PARN: variants seen among roughly 807,000 people sequenced by gnomAD.
PARN encodes poly(A)-specific ribonuclease PARN.
In PARN, 71 loss-of-function variants were observed where a neutral mutation model predicts 102.8. The observed-to-expected ratio is 0.69, with a 90% confidence interval of 0.57 to 0.84. The LOEUF (loss-of-function observed/expected upper bound fraction) is 0.84. PARN is among the 40% of genes least tolerant of loss of function. PARN has a pLI of 0.00. For synonymous variants in PARN, 261 were observed against 252.9 expected (o/e 1.03, Z -0.30); for missense variants, 782 against 760.9 (o/e 1.03, Z -0.33).
chr16:14,524,023 C>T (rs752657487), intron 21 of PARN, among the ~76,000 whole-genome samples: 10 of 152,028 alleles, frequency 6.6e-5, no homozygotes, highest in Non-Finnish European at 1.0e-4. Flanking sequence ...TTTACCTAAA[C>T]ACAGAAAAGG....
At chr16:14,549,431 A>C (rs1567373280) in intron 21 of PARN, among the ~76,000 whole-genome samples, 1 of 152,158 alleles carries the variant, frequency 6.6e-6, no homozygotes, top group Non-Finnish European at 1.5e-5. Flanking sequence ...TCAGGAAACC[A>C]ATGCAATGAG....
intron 18 of PARN, 58 bp downstream of exon 18, chr16:14,580,816 G>A: frequency 1.0e-6 from 1 of 972,342 alleles, no homozygotes; most frequent in Non-Finnish European, 1.6e-6. Flanking sequence ...GACATCCCAA[G>A]ATATGAGGCT....
chr16:14,458,300 C>A (rs577082632), intron 22 of PARN, among the ~76,000 whole-genome samples: 3 of 152,038 alleles, frequency 2.0e-5, no homozygotes, highest in Admixed American at 1.3e-4. Context: ...TAAAATTTAC[C>A]TTTTGACTTC....
intron 21 of PARN, among the ~76,000 whole-genome samples, chr16:14,511,371 G>C (rs1357695283): frequency 6.6e-6 from 1 of 152,032 alleles, no homozygotes; most frequent in Admixed American, 6.6e-5. Flanking sequence ...GACAGGGAAA[G>C]AGCGTCTAGA....
At chr16:14,580,751 G>T in intron 18 of PARN, 123 bp downstream of exon 18, 2 of 559,184 alleles carry the variant, frequency 3.6e-6, no homozygotes, top group South Asian at 3.2e-5. Flanking sequence ...TGAGTCACTC[G>T]AGATGAAAAA....
chr16:14,539,844 A>G (rs1966773610), intron 21 of PARN, among the ~76,000 whole-genome samples: 1 of 152,174 alleles, frequency 6.6e-6, no homozygotes, highest in African/African-American at 2.4e-5. Flanking sequence ...GATGGAAAAT[A>G]TTTGGGGGAA....
intron 21 of PARN, among the ~76,000 whole-genome samples, chr16:14,529,657 G>C (rs1024105933): frequency 1.3e-5 from 2 of 152,140 alleles, no homozygotes; most frequent in Non-Finnish European, 2.9e-5. Context: ...TTGATGGCCA[G>C]CAATAAAGTA....
chr16:14,585,358 TTC>T (rs1969781032), intron 14 of PARN, among the ~76,000 whole-genome samples: 2 of 142,210 alleles, frequency 1.4e-5, no homozygotes, highest in Non-Finnish European at 3.0e-5. Flanking sequence ...AAAACTCTAT[TTC>T]TCTGTTTTTT....
intron 18 of PARN, among the ~76,000 whole-genome samples, chr16:14,569,372 T>G (rs529626674): frequency 1.3e-5 from 2 of 152,254 alleles, no homozygotes; most frequent in Non-Finnish European, 2.9e-5. Flanking sequence ...CAAACAGCCT[T>G]ATCAGCGCTG....
At chr16:14,596,915 T>C (rs1970552708) in intron 12 of PARN, among the ~76,000 whole-genome samples, 1 of 151,952 alleles carries the variant, frequency 6.6e-6, no homozygotes, top group Non-Finnish European at 1.5e-5. Context: ...GCCTCCCAAG[T>C]AGCTGGGATT....
intron 22 of PARN, among the ~76,000 whole-genome samples, chr16:14,462,891 G>A (rs567437147): frequency 2.6e-5 from 4 of 152,294 alleles, no homozygotes; most frequent in African/African-American, 9.6e-5. Context: ...ATTGGGCAAG[G>A]AAGCACAGTG....
intron 5 of PARN, 146 bp downstream of exon 5, chr16:14,626,960 T>A: frequency 1.6e-6 from 1 of 624,816 alleles, no homozygotes; most frequent in South Asian, 2.0e-5. Flanking sequence ...AACAGGGTCA[T>A]GAATTTATTA....
At chr16:14,510,657 C>T (rs577656967) in intron 21 of PARN, among the ~76,000 whole-genome samples, 38 of 152,342 alleles carry the variant, frequency 2.5e-4, no homozygotes, top group Non-Finnish European at 4.3e-4. Flanking sequence ...ATCTACCCTT[C>T]TGCTTTTTTG....
intron 5 of PARN, among the ~76,000 whole-genome samples, chr16:14,620,751 T>C (rs1289143776): frequency 1.3e-5 from 2 of 152,210 alleles, no homozygotes; most frequent in African/African-American, 2.4e-5. Context: ...GGGAAAGCTA[T>C]ACTAATCCTG....
intron 11 of PARN, among the ~76,000 whole-genome samples, chr16:14,603,108 G>C (rs1331475668): frequency 6.6e-6 from 1 of 151,992 alleles, no homozygotes; most frequent in African/African-American, 2.4e-5. Context: ...ATTTTTTGTA[G>C]AGATGGGGTT....
chr16:14,568,085 A>C (rs1968537970), intron 18 of PARN, among the ~76,000 whole-genome samples: 1 of 152,158 alleles, frequency 6.6e-6, no homozygotes, highest in African/African-American at 2.4e-5. Flanking sequence ...TCTTTCATAA[A>C]ATGAAGACCT....
chr16:14,493,785 A>C (rs764793257), intron 21 of PARN, among the ~76,000 whole-genome samples: 22 of 152,252 alleles, frequency 1.4e-4, no homozygotes, highest in Non-Finnish European at 2.6e-4. Context: ...CTATGGCCCA[A>C]GCCAATTGCC....
rs1400809482 is a variant in PARN at position 14,582,178 on chromosome 16, T to C, written c.1192+3A>G. On this transcript the variant is annotated splice_donor_region_variant and intron_variant, in intron 17 of 23. Transcript: ENST00000437198. ...GTTTGACTGAAAGACATGTAATGCGTACCTAGGTAATTGGCCATGGAGATG... is the reference window on the plus strand; with the variant it reads ...GTTTGACTGAAAGACATGTAATGCGCACCTAGGTAATTGGCCATGGAGATG... 3 of 1,565,856 alleles carry C rather than the reference T, an allele frequency of 1.9e-6. No individual in the cohort carries two copies. Among genetic ancestry groups the C allele is most frequent in the African/African-American group, 1.4e-5 (1 of 74,022 alleles).
intron 22 of PARN, among the ~76,000 whole-genome samples, chr16:14,459,785 T>C (rs1051577785): frequency 5.3e-5 from 8 of 152,190 alleles, no homozygotes; most frequent in Admixed American, 3.3e-4. Context: ...CAGTATGGTA[T>C]TGGTGAAAGA....
Sources: allele counts gnomAD v4.1 joint callset (sites outside exome capture counted in the v4.1 genomes callset), GRCh38; gene constraint gnomAD v4.1.1; transcripts MANE v1.5; gene names NCBI Gene and HGNC (gene_info 2026-07-23, HGNC 2026-07-21).